NRG4: variants seen among roughly 807,000 people sequenced by gnomAD.
NRG4 encodes neuregulin 4, also known as pro-neuregulin-4, membrane-bound isoform.
Under a neutral mutation model 15.0 loss-of-function variants are expected in NRG4, and 10 were observed. That is an observed-to-expected ratio of 0.67 (90% CI 0.41 to 1.13). The LOEUF (loss-of-function observed/expected upper bound fraction) is 1.13, where lower values mean the gene tolerates loss of function less well. Ranked by LOEUF, NRG4 falls within the 50% of genes most tolerant of loss-of-function variation. The pLI, the probability that NRG4 is intolerant of heterozygous loss-of-function variation, is 0.00. For missense variants in NRG4, 139 were observed against 140.2 expected (o/e 0.99, Z 0.04); for synonymous variants, 41 against 50.1 (o/e 0.82, Z 0.77).
chr15:75,986,106 C>T (rs2033793207), intron 3 of NRG4, among the ~76,000 whole-genome samples: 1 of 151,950 alleles, frequency 6.6e-6, no homozygotes. Flanking sequence ...TGGTAAGAAC[C>T]CAAAATTAGA....
chr15:75,958,705 A>G (rs1013987976), intron 4 of NRG4, among the ~76,000 whole-genome samples: 8 of 152,206 alleles, frequency 5.3e-5, no homozygotes, highest in Non-Finnish European at 8.8e-5. Flanking sequence ...GTTCTTATAT[A>G]TATACGCTTT....
intron 4 of NRG4, among the ~76,000 whole-genome samples, chr15:76,050,435 T>G (rs1212874097): frequency 1.4e-5 from 2 of 139,250 alleles, no homozygotes; most frequent in Non-Finnish European, 3.1e-5. Context: ...CCCCGAGCCT[T>G]CGTTTTTTTT....
intron 3 of NRG4, among the ~76,000 whole-genome samples, chr15:75,967,506 G>A (rs2032864991): frequency 1.6e-5 from 2 of 126,916 alleles, no homozygotes; most frequent in South Asian, 5.3e-4. Flanking sequence ...TTGTTGCTCA[G>A]GCTGGAGTGG....
downstream of NRG4, chr15:75,938,804 G>A (rs1230004070): frequency 6.6e-6 from 1 of 152,160 alleles, no homozygotes; most frequent in Non-Finnish European, 1.5e-5. Context: ...ACAACAGGAT[G>A]TAGTTAGAAA....
chr15:76,041,801 G>A lies in NRG4; in HGVS notation c.-104-5810C>T, dbSNP rs577919524. ...ACAGAAAATAAACAAAGAAACATCA[G>A]ACTTAATCTGTACTATAGACCACAT... is the stretch of plus-strand genomic sequence containing the variant. On this transcript the variant is annotated intron_variant, in intron 4 of 8. Coordinates refer to the NRG4 transcript ENST00000563910. Among the ~76,000 whole-genome samples, 580 of 152,200 alleles carry A rather than the reference G, an allele frequency of 3.8e-3. 4 individuals carry two copies. The highest frequency in any genetic ancestry group is 0.013 in the African/African-American group (560 of 41,538).
chr15:76,008,386 C>T (rs2034686273), intron 3 of NRG4, among the ~76,000 whole-genome samples: 1 of 152,150 alleles, frequency 6.6e-6, no homozygotes, highest in South Asian at 2.1e-4. Flanking sequence ...ATGGATTTTA[C>T]TTTTCTATCC....
chr15:75,963,550 C>T (rs892605194), intron 3 of NRG4, among the ~76,000 whole-genome samples: 2 of 151,944 alleles, frequency 1.3e-5, no homozygotes, highest in South Asian at 2.1e-4. Flanking sequence ...GAGGCCGAGG[C>T]GGGCAGATCA....
At chr15:75,998,789 GA>G (rs992899062) in intron 3 of NRG4, among the ~76,000 whole-genome samples, 4 of 152,280 alleles carry the variant, frequency 2.6e-5, no homozygotes, top group African/African-American at 9.6e-5. Flanking sequence ...TTGAAGTACA[GA>G]AAAGGATTTG....
rs888657636 is a variant in NRG4 at position 76,023,030 on chromosome 15, T to G, written c.-56-11744A>C. Reference sequence around the variant, plus strand: ...GAACAACTTTCAAATGTTGCTAAAATTAAATAACTAAAGGAATAGCTATTA... The same window carrying G: ...GAACAACTTTCAAATGTTGCTAAAAGTAAATAACTAAAGGAATAGCTATTA... On this transcript the variant is annotated intron_variant, in intron 5 of 8. Coordinates refer to the NRG4 transcript ENST00000563910. 2.6e-5 allele frequency among the ~76,000 whole-genome samples: 4 copies of G among 151,578 alleles called. No individual in the cohort carries two copies. In the East Asian group the frequency reaches 7.8e-4, roughly 29 times the overall value.
intron 5 of NRG4, among the ~76,000 whole-genome samples, chr15:75,944,213 A>T (rs938254479): frequency 2.0e-5 from 3 of 152,048 alleles, no homozygotes; most frequent in Non-Finnish European, 4.4e-5. Flanking sequence ...ACCTCCCTAA[A>T]CCTCAGTTTT....
chr15:76,022,647 G>C (rs1244209103), intron 5 of NRG4, among the ~76,000 whole-genome samples: 1 of 152,166 alleles, frequency 6.6e-6, no homozygotes, highest in African/African-American at 2.4e-5. Context: ...GGTGAGTGTG[G>C]AGTGTGTATG....
chr15:75,936,411 C>T (rs1567059911), downstream of NRG4: 1 of 152,076 alleles, frequency 6.6e-6, no homozygotes. Context: ...TTAATATTGA[C>T]CCTATATAGG....
chr15:76,038,095 A>G (rs1038611992), intron 4 of NRG4, among the ~76,000 whole-genome samples: 4 of 152,206 alleles, frequency 2.6e-5, no homozygotes, highest in African/African-American at 9.6e-5. Context: ...GAGACCCTGA[A>G]TAATCAATAG....
chr15:75,972,888 G>A (rs963660672), intron 3 of NRG4, among the ~76,000 whole-genome samples: 7 of 152,050 alleles, frequency 4.6e-5, no homozygotes, highest in African/African-American at 1.4e-4. Flanking sequence ...TTTAAAGTAG[G>A]TTTTTCTAAT....
chr15:76,014,282 A>T (rs2034907143), upstream of NRG4, among the ~76,000 whole-genome samples: 1 of 152,020 alleles, frequency 6.6e-6, no homozygotes, highest in East Asian at 1.9e-4. Context: ...ATTTTCTCCC[A>T]TTCTGTAGGT....
intron 3 of NRG4, among the ~76,000 whole-genome samples, chr15:75,988,852 CCTTT>C (rs2033898836): frequency 7.4e-6 from 1 of 134,286 alleles, no homozygotes; most frequent in Admixed American, 7.3e-5. Flanking sequence ...CCTGCACCTT[CCTTT>C]TTTTTTTTTT....
chr15:76,005,618 G>C (rs1009871963), intron 3 of NRG4: 1 of 260,900 alleles, frequency 3.8e-6, no homozygotes, highest in African/African-American at 2.3e-5. Context: ...AACCTGGGGG[G>C]TGGAGGTTAC....
In NRG4 at chr15:76,009,282, G is replaced by T; in HGVS notation, c.22C>A (p.Pro8Thr). 6.3e-7 allele frequency: 1 copy of T among 1,575,396 alleles called. No homozygotes were observed. The highest frequency in any genetic ancestry group is 8.7e-7 in the Non-Finnish European group (1 of 1,153,882). The change falls in exon 3 of 6, where the codon CCC (proline) becomes ACC (threonine). Residue 8 changes from proline (P) to threonine (T), a missense_variant. Coordinates refer to ENST00000394907, the MANE Select transcript of NRG4 (RefSeq NM_138573.4). MPTDHEE[P>T]CGPSHKSFCL... Reference sequence around the variant, plus strand: ...AACGACTTGTGACTGGGACCACAGGGCTCTTCGTGATCTAGAACACATACA... The same window carrying T: ...AACGACTTGTGACTGGGACCACAGGTCTCTTCGTGATCTAGAACACATACA...
chr15:75,969,620 G>A (rs1219892896), intron 3 of NRG4, among the ~76,000 whole-genome samples: 1 of 152,170 alleles, frequency 6.6e-6, no homozygotes, highest in Non-Finnish European at 1.5e-5. Flanking sequence ...CGTTCCCATA[G>A]TTTCATCACC....
Sources: gnomAD v4.1 joint callset for allele counts (sites outside exome capture counted in the v4.1 genomes callset) on GRCh38, gnomAD v4.1.1 for gene constraint, MANE v1.5 for transcripts, NCBI Gene and HGNC (gene_info 2026-07-23, HGNC 2026-07-21) for gene names.